CNGA1: variants seen among roughly 807,000 people sequenced by gnomAD.
CNGA1 encodes the protein cyclic nucleotide gated channel subunit alpha 1, also known as cyclic nucleotide-gated channel alpha-1.
CNGA1 carries 53 observed loss-of-function variants against 69.7 expected under a neutral mutation model. That is an observed-to-expected ratio of 0.76 (90% confidence interval 0.61 to 0.96). CNGA1 has a LOEUF of 0.96. CNGA1 is among the 40% of genes least tolerant of loss of function. The pLI is 0.00. For synonymous variants in CNGA1, 249 were observed against 283.5 expected, an observed-to-expected ratio of 0.88 and a Z score of 1.22; for missense variants, 739 against 811.2, an observed-to-expected ratio of 0.91 and a Z score of 1.08.
In CNGA1 at chr4:47,955,340, G is replaced by A. The variant is rs955991666; in HGVS notation, c.-14-2637C>T. Among the ~76,000 whole-genome samples the A allele has an allele frequency of 2.0e-5, 3 of 151,566 alleles. No individual in the cohort carries two copies. In the South Asian group the frequency reaches 6.3e-4, roughly 32 times the overall value. ...TGGGATTACAGGCGCCCACCACCAC[G>A]CCTGGCTAATTTTTGTATTTTTACT... On this transcript the variant is annotated intron_variant, in intron 3 of 10. Coordinates refer to ENST00000514170, the MANE Select transcript of CNGA1 (RefSeq NM_001379270.1).
intron 1 of CNGA1, among the ~76,000 whole-genome samples, chr4:48,015,026 AAATT>A (rs1715316259): frequency 6.6e-6 from 1 of 151,942 alleles, no homozygotes. Flanking sequence ...AAAATACAAA[AAATT>A]AGCCGGGCGT....
chr4:47,996,618 G>A (rs1425509377), intron 2 of CNGA1, among the ~76,000 whole-genome samples: 1 of 152,052 alleles, frequency 6.6e-6, no homozygotes, highest in African/African-American at 2.4e-5. Flanking sequence ...ATAGTTCCTG[G>A]AGCTTATTAT....
intron 3 of CNGA1, among the ~76,000 whole-genome samples, chr4:47,958,720 C>T (rs1263209223): frequency 6.6e-6 from 1 of 152,156 alleles, no homozygotes; most frequent in Non-Finnish European, 1.5e-5. Flanking sequence ...TCTCTACACA[C>T]TGGCTACTAC....
intron 10 of CNGA1, among the ~76,000 whole-genome samples, 197 bp from the exon 11 acceptor site, chr4:47,938,026 T>C (rs1203409293): frequency 1.3e-5 from 2 of 151,614 alleles, no homozygotes; most frequent in Non-Finnish European, 2.9e-5. Flanking sequence ...AAATAAAAGG[T>C]AAAATTTTGG....
At chr4:47,956,974 C>T (rs145961705) in intron 3 of CNGA1, among the ~76,000 whole-genome samples, 2,424 of 152,130 alleles carry the variant, frequency 0.016, 63 homozygotes, top group African/African-American at 0.056. Flanking sequence ...TGCTCTGTCA[C>T]CCAGGCTGGA....
Position 47,936,543 on chromosome 4 carries a change from T to C in CNGA1, c.1939A>G (p.Met647Val), listed in dbSNP as rs549705696. ...FARILAEYES[M>V]QQKLKQRLTK... ...AATCTTTGTTTCAGTTTCTGCTGCATGGACTCATACTCAGCCAAGATTCGG... is the reference window on the plus strand; with the variant it reads ...AATCTTTGTTTCAGTTTCTGCTGCACGGACTCATACTCAGCCAAGATTCGG... Residue 647 changes from methionine to valine, a missense_variant, in exon 11 of 11, where the codon ATG becomes GTG. Met to Val is a conservative substitution (Grantham distance 21). Coordinates refer to ENST00000514170, the MANE Select transcript of CNGA1 (RefSeq NM_001379270.1). The C allele has an allele frequency of 1.6e-4, 264 of 1,614,232 alleles. 2 individuals are homozygous for C. The South Asian group carries it at 2.7e-3, about 16-fold the overall frequency.
intron 3 of CNGA1, among the ~76,000 whole-genome samples, chr4:47,971,439 A>T (rs1048731146): frequency 6.6e-6 from 1 of 152,148 alleles, no homozygotes; most frequent in African/African-American, 2.4e-5. Context: ...TATATGAATT[A>T]TGAAATATTC....
Position 47,967,843 on chromosome 4 carries a change from T to C in CNGA1, c.-15+13550A>G, listed in dbSNP as rs537583536. Among the ~76,000 whole-genome samples the C allele has an allele frequency of 7.9e-5, 12 of 152,116 alleles. 1 individual carries two copies. The South Asian group carries it at 2.3e-3, about 29-fold the overall frequency. On this transcript the variant is annotated intron_variant, in intron 3 of 10. Transcript: ENST00000514170. ...AATACAAAAAATTAGCTGGGTGTGG[T>C]GGTGGGTGCCTGTGGTCCCAGCTAC...
At chr4:48,010,300 C>A (rs1368353203) in intron 2 of CNGA1, among the ~76,000 whole-genome samples, 1 of 152,214 alleles carries the variant, frequency 6.6e-6, no homozygotes, top group Non-Finnish European at 1.5e-5. Context: ...GATCTCTAAG[C>A]TCTGGGCAGA....
intron 2 of CNGA1, among the ~76,000 whole-genome samples, chr4:48,002,302 A>C (rs1045465001): frequency 3.3e-5 from 5 of 152,204 alleles, no homozygotes; most frequent in African/African-American, 7.2e-5. Context: ...AGACTGATTG[A>C]GAAAAAGATT....
intron 2 of CNGA1, among the ~76,000 whole-genome samples, chr4:48,007,517 C>A (rs1042312784): frequency 6.6e-6 from 1 of 152,050 alleles, no homozygotes. Context: ...ATCAAGAGGG[C>A]CTGAAGATGA....
At chr4:47,949,293 G>A (rs1045918178) in intron 6 of CNGA1, among the ~76,000 whole-genome samples, 4 of 152,164 alleles carry the variant, frequency 2.6e-5, no homozygotes, top group Non-Finnish European at 4.4e-5. Flanking sequence ...AACTGTGCAT[G>A]GGAACAAAGG....
At chr4:47,982,976 G>A (rs1741798948) in intron 2 of CNGA1, among the ~76,000 whole-genome samples, 1 of 151,994 alleles carries the variant, frequency 6.6e-6, no homozygotes, top group African/African-American at 2.4e-5. Context: ...AGAAATTTTT[G>A]TATTTTTAGT....
chr4:47,987,661 A>T (rs1184095498), intron 2 of CNGA1, among the ~76,000 whole-genome samples: 3 of 152,194 alleles, frequency 2.0e-5, no homozygotes, highest in African/African-American at 7.2e-5. Context: ...GAAAGACAAT[A>T]AATAAAGTAA....
intron 10 of CNGA1, 27 bp from the exon 11 acceptor site, chr4:47,937,856 G>T: frequency 6.5e-7 from 1 of 1,542,780 alleles, no homozygotes; most frequent in Non-Finnish European, 8.9e-7. Context: ...AATCAATTCA[G>T]TGTTTCTCCT....
intron 2 of CNGA1, among the ~76,000 whole-genome samples, chr4:47,992,067 T>C (rs1220005383): frequency 6.6e-6 from 1 of 152,216 alleles, no homozygotes; most frequent in Non-Finnish European, 1.5e-5. Context: ...TTGGTGACTA[T>C]GGCCTTATAG....
chr4:48,011,916 T>C (rs1715183971), intron 1 of CNGA1, among the ~76,000 whole-genome samples: 1 of 152,056 alleles, frequency 6.6e-6, no homozygotes, highest in Non-Finnish European at 1.5e-5. Flanking sequence ...TTAAAGACAA[T>C]AGATGAAAAT....
At chr4:47,956,848 A>G (rs755058787) in intron 3 of CNGA1, among the ~76,000 whole-genome samples, 3 of 152,236 alleles carry the variant, frequency 2.0e-5, no homozygotes, top group Non-Finnish European at 4.4e-5. Flanking sequence ...TAGGAGAAAC[A>G]TTAATGGTCA....
intron 3 of CNGA1, among the ~76,000 whole-genome samples, chr4:47,957,093 C>T (rs1740136599): frequency 6.6e-6 from 1 of 151,980 alleles, no homozygotes; most frequent in African/African-American, 2.4e-5. Context: ...GCCACCATGC[C>T]TGGCTAATTT....
Sources: allele counts gnomAD v4.1 joint callset (sites outside exome capture counted in the v4.1 genomes callset), GRCh38; gene constraint gnomAD v4.1.1; transcripts MANE v1.5; gene names NCBI Gene and HGNC (gene_info 2026-07-23, HGNC 2026-07-21).